Variants in PCDH1 observed in about 807,000 individuals in gnomAD.
PCDH1 encodes the protein protocadherin 1, also known as protocadherin-1.
PCDH1 carries 23 observed loss-of-function variants against 74.6 expected under a neutral mutation model. The observed-to-expected ratio is 0.31, with a 90% confidence interval of 0.22 to 0.44. The LOEUF is 0.44. Among genes scored for constraint, PCDH1 ranks in the 20% least tolerant of loss-of-function variants. The probability of loss-of-function intolerance (pLI) is 1.00; values close to 1 mark genes in which losing one functional copy is unlikely to be tolerated. For synonymous variants in PCDH1, 647 were observed against 686.1 expected (o/e 0.94, Z 0.89); for missense variants, 1,214 against 1,641.4 (o/e 0.74, Z 4.50).
rs1753026789 is a variant in PCDH1 at position 141,869,440 on chromosome 5, G to A, written c.41-9C>T. 1.3e-6 allele frequency: 2 copies of A among 1,595,596 alleles called. No homozygotes were observed. The highest frequency in any genetic ancestry group is 1.3e-5 in the African/African-American group (1 of 74,890). ...CCCCAGAATCAGGAGGGCTGCAAGG[G>A]GAAGAGGCAAAACAGAGGCCATGAG... On this transcript the variant is annotated splice_polypyrimidine_tract_variant and intron_variant, in intron 1 of 4. Transcript: ENST00000287008. This position sits in a 1 kb window ranked among gnomAD's most constrained non-coding sequence, Gnocchi z 4.9.
chr5:141,864,440 C>A lies in PCDH1; in HGVS notation c.1891G>T (p.Val631Leu). 1.2e-6 allele frequency: 2 copies of A among 1,614,154 alleles called. No homozygotes were observed. The highest frequency in any genetic ancestry group is 8.5e-7 in the Non-Finnish European group (1 of 1,180,028). ...VMENMPALSP[V>L]GMVTVIDGDK... Reference sequence around the variant, plus strand: ...CCATCAATGACAGTCACCATGCCCACTGGACTCAGTGCTGGCATGTTCTCC... The same window carrying A: ...CCATCAATGACAGTCACCATGCCCAATGGACTCAGTGCTGGCATGTTCTCC... Residue 631 changes from valine (V) to leucine (L), a missense_variant, in exon 3 of 5, where the codon GTG (valine) becomes TTG (leucine). By Grantham distance (32) the Val-to-Leu change is conservative (BLOSUM62 1). This residue lies in a region of PCDH1 where 836 missense variants were observed against 1,182.2 expected (regional missense o/e 0.71). Coordinates refer to ENST00000287008, the MANE Select transcript of PCDH1 (RefSeq NM_032420.5). The surrounding 1 kb of genome is among the most constrained non-coding windows in gnomAD (Gnocchi z 5.9).
At chr5:141,876,834 A>T (rs924522306) in intron 1 of PCDH1, among the ~76,000 whole-genome samples, 1 of 152,096 alleles carries the variant, frequency 6.6e-6, no homozygotes, top group Non-Finnish European at 1.5e-5. Flanking sequence ...GGCTCAGAAA[A>T]CTCAGCTAAA....
At chr5:141,867,056 TC>T (rs922841310) in intron 2 of PCDH1, among the ~76,000 whole-genome samples, 1 of 152,178 alleles carries the variant, frequency 6.6e-6, no homozygotes, top group Non-Finnish European at 1.5e-5. Flanking sequence ...CAGTTTCTCC[TC>T]CCCTCACCCC....
At chr5:141,873,274 TGCCAC>T in intron 1 of PCDH1, among the ~76,000 whole-genome samples, 1 of 146,006 alleles carries the variant, frequency 6.8e-6, no homozygotes, top group East Asian at 2.1e-4. Context: ...TACAGGCACG[TGCCAC>T]CACGCCCGGC....
At chr5:141,870,212 C>G (rs1385277648) in intron 1 of PCDH1, among the ~76,000 whole-genome samples, 1 of 152,200 alleles carries the variant, frequency 6.6e-6, no homozygotes, top group Admixed American at 6.5e-5. Flanking sequence ...TCCCGACTTT[C>G]CCCCAACACA....
At chr5:141,866,225 C>CGGCT in intron 2 of PCDH1, 1 of 985,472 alleles carries the variant, frequency 1.0e-6, no homozygotes, top group Non-Finnish European at 1.2e-6. Context: ...CGACTGGCAC[C>CGGCT]GGCTGGCGAG....
At position 141,878,112 on chromosome 5, in the gene PCDH1, T is replaced by C; in HGVS notation, c.40+111A>G. On this transcript the variant is annotated intron_variant, in intron 1 of 4. Transcript: ENST00000287008. The surrounding 1 kb of genome is among the most constrained non-coding windows in gnomAD (Gnocchi z 5.5). Reference sequence around the variant, plus strand: ...CCTCAGCCCCCTCGCGCCGAGCTCGTGTTGGGCCCCCGCGGCCTCGCTCCG... The same window carrying C: ...CCTCAGCCCCCTCGCGCCGAGCTCGCGTTGGGCCCCCGCGGCCTCGCTCCG... 2.0e-6 allele frequency: 2 copies of C among 1,004,870 alleles called. No individual in the cohort carries two copies. The highest frequency in any genetic ancestry group is 2.7e-6 in the Non-Finnish European group (2 of 751,368). The allele number at this position is 1,004,870 out of a possible 1,614,324, so 62.2% of individuals were successfully genotyped here. A position where few individuals can be genotyped will look rare whatever the true frequency, so the allele number is the denominator to read the frequency against.
Position 141,853,821 on chromosome 5 carries a change from A to C in PCDH1, c.*221T>G. On this transcript the variant is annotated 3_prime_UTR_variant, in exon 5 of 5. Transcript: ENST00000287008. ...GGCATCAGATGGGGGAAGCCCCATAAAGGGGAAGGGGCCCCTGGGGGCTGG... is the reference window on the plus strand; with the variant it reads ...GGCATCAGATGGGGGAAGCCCCATACAGGGGAAGGGGCCCCTGGGGGCTGG... 2.4e-6 allele frequency: 1 copy of C among 415,004 alleles called. No individual in the cohort carries two copies. 25.7% of individuals were successfully genotyped at this position (415,004 alleles called of 1,614,324 possible). A position where few individuals can be genotyped will look rare whatever the true frequency, so the allele number is the denominator to read the frequency against.
chr5:141,873,582 G>T (rs1753149043), intron 1 of PCDH1, among the ~76,000 whole-genome samples: 1 of 150,434 alleles, frequency 6.6e-6, no homozygotes, highest in African/African-American at 2.5e-5. Context: ...GAGTAGCTGG[G>T]ACTACAGGCG....
At chr5:141,873,703 C>T (rs975948214) in intron 1 of PCDH1, among the ~76,000 whole-genome samples, 1 of 151,852 alleles carries the variant, frequency 6.6e-6, no homozygotes, top group Non-Finnish European at 1.5e-5. Flanking sequence ...CGTGATCCTC[C>T]TGCGTCAGCC....
intron 1 of PCDH1, among the ~76,000 whole-genome samples, chr5:141,872,134 C>T: frequency 1.4e-5 from 2 of 145,302 alleles, no homozygotes; most frequent in Non-Finnish European, 3.0e-5. Flanking sequence ...CCCCACCCCC[C>T]CCCTCCACCT....
Position 141,878,328 on chromosome 5 carries a change from C to G in PCDH1, c.-66G>C, listed in dbSNP as rs1753296003. On this transcript the variant is annotated 5_prime_UTR_variant, in exon 1 of 5. Transcript: ENST00000287008. The surrounding 1 kb of genome is among the most constrained non-coding windows in gnomAD (Gnocchi z 5.5). Reference sequence around the variant, plus strand: ...GCTGGGGCTGGAGCTGCAGTTCGGGCTCCGGCTCCGGCTCCGGCTGGCTCT... The same window carrying G: ...GCTGGGGCTGGAGCTGCAGTTCGGGGTCCGGCTCCGGCTCCGGCTGGCTCT... The G allele has an allele frequency of 1.8e-6, 2 of 1,088,314 alleles. No individual in the cohort carries two copies. The highest frequency in any genetic ancestry group is 9.3e-5 in the Admixed American group (2 of 21,610). The allele number at this position is 1,088,314 out of a possible 1,614,324, so 67.4% of individuals were successfully genotyped here. A position where few individuals can be genotyped will look rare whatever the true frequency, so the allele number is the denominator to read the frequency against.
rs139070837 is a variant in PCDH1, at chr5:141,858,134, A to G, written c.3100-663T>C. On this transcript the variant is annotated intron_variant, in intron 3 of 4. Coordinates refer to ENST00000287008, the MANE Select transcript of PCDH1 (RefSeq NM_032420.5). ...TTTCTTTTCTTATCCTGTGTTCCTC[A>G]TCCCTGGTTTGTGATGTTGCAGCAG... 3.2e-4 allele frequency among the ~76,000 whole-genome samples: 49 copies of G among 152,158 alleles called. No homozygotes were observed. In the East Asian group the frequency reaches 8.5e-3, roughly 26 times the overall value.
intron 1 of PCDH1, among the ~76,000 whole-genome samples, chr5:141,875,939 T>A (rs1753215872): frequency 6.6e-6 from 1 of 151,952 alleles, no homozygotes; most frequent in Non-Finnish European, 1.5e-5. Context: ...ATAAAAACTT[T>A]CTGGGCGGCC....
intron 3 of PCDH1, among the ~76,000 whole-genome samples, chr5:141,860,088 C>T: frequency 6.6e-6 from 1 of 152,176 alleles, no homozygotes; most frequent in East Asian, 1.9e-4. Context: ...CCTAATCCTG[C>T]TCATCATTGA....
At chr5:141,876,271 G>C (rs1437407838) in intron 1 of PCDH1, among the ~76,000 whole-genome samples, 2 of 152,176 alleles carry the variant, frequency 1.3e-5, no homozygotes, top group Non-Finnish European at 2.9e-5. Context: ...TCGGCTAGTG[G>C]GGGGAGCCCT....
At position 141,869,702 on chromosome 5, in the gene PCDH1, C is replaced by A; in HGVS notation, c.41-271G>T. 1 of 1,500,570 alleles carries A rather than the reference C, an allele frequency of 6.7e-7. No homozygotes were observed. Among genetic ancestry groups the A allele is most frequent in the South Asian group, 1.2e-5 (1 of 80,248 alleles). 93.0% of individuals were successfully genotyped at this position (1,500,570 alleles called of 1,614,324 possible). ...GCTCCCGCCCATGGAACACCCTCACCCACCTGACGCTCCCTGGGCCCAAGC... is the reference window on the plus strand; with the variant it reads ...GCTCCCGCCCATGGAACACCCTCACACACCTGACGCTCCCTGGGCCCAAGC... On this transcript the variant is annotated intron_variant, in intron 1 of 4. Transcript: ENST00000287008. The surrounding 1 kb of genome is among the most constrained non-coding windows in gnomAD (Gnocchi z 4.9).
intron 1 of PCDH1, among the ~76,000 whole-genome samples, chr5:141,873,306 T>C (rs1290521429): frequency 6.7e-6 from 1 of 150,054 alleles, no homozygotes; most frequent in Non-Finnish European, 1.5e-5. Flanking sequence ...TTTTTTTTTT[T>C]TTTTTTGTAT....
chr5:141,876,679 A>C (rs1456333383), intron 1 of PCDH1, among the ~76,000 whole-genome samples: 1 of 152,136 alleles, frequency 6.6e-6, no homozygotes, highest in Non-Finnish European at 1.5e-5. Flanking sequence ...GCCTGCCGCG[A>C]TCTCCGTTCT....
Sources: allele counts gnomAD v4.1 joint callset (sites outside exome capture counted in the v4.1 genomes callset), GRCh38; gene constraint gnomAD v4.1.1; regional missense constraint gnomAD v4.1.1; non-coding constraint Gnocchi (gnomAD v3.1); transcripts MANE v1.5; gene names NCBI Gene and HGNC (gene_info 2026-07-23, HGNC 2026-07-21).